NLK: variants seen among roughly 807,000 people sequenced by gnomAD.
NLK encodes serine/threonine-protein kinase NLK.
Under a neutral mutation model 59.0 loss-of-function variants are expected in NLK, and 11 were observed. The observed-to-expected ratio is 0.19, with a 90% CI of 0.12 to 0.31. The LOEUF (loss-of-function observed/expected upper bound fraction) is 0.31, where lower values mean the gene tolerates loss of function less well. NLK is among the 10% of genes least tolerant of loss of function. NLK has a pLI of 1.00. For missense variants in NLK, 410 were observed against 661.1 expected, an observed-to-expected ratio of 0.62 and a Z score of 4.16; for synonymous variants, 235 against 235.9, an observed-to-expected ratio of 1.00 and a Z score of 0.03.
chr17:28,093,085 AC>A (rs1266962436), intron 1 of NLK, among the ~76,000 whole-genome samples: 5 of 151,926 alleles, frequency 3.3e-5, no homozygotes, highest in Admixed American at 6.6e-5. Flanking sequence ...GAACCACCGC[AC>A]CCGGCCTAGT....
chr17:28,172,370 A>G (rs1160409888), intron 6 of NLK, 147 bp from the exon 7 acceptor site: 1 of 371,582 alleles, frequency 2.7e-6, no homozygotes, highest in Non-Finnish European at 4.8e-6. Context: ...CCAGAAAGTG[A>G]AAGTAGGGGC....
downstream of NLK, among the ~76,000 whole-genome samples, chr17:28,198,675 A>G (rs1909546186): frequency 6.6e-6 from 1 of 151,982 alleles, no homozygotes; most frequent in African/African-American, 2.4e-5. Context: ...TTATTTTCAC[A>G]TCCCTCTTCA....
intron 1 of NLK, among the ~76,000 whole-genome samples, chr17:28,110,106 A>G (rs934689812): frequency 6.6e-6 from 1 of 152,196 alleles, no homozygotes; most frequent in African/African-American, 2.4e-5. Flanking sequence ...TGTAGTTTGC[A>G]TTCTATGTGT....
chr17:28,093,480 A>C (rs1001875385), intron 1 of NLK, among the ~76,000 whole-genome samples: 6 of 152,192 alleles, frequency 3.9e-5, no homozygotes, highest in Non-Finnish European at 7.3e-5. Flanking sequence ...ATAATAAAAA[A>C]AATTCTGTGA....
At chr17:28,186,229 T>C (rs1909110955) in intron 8 of NLK, among the ~76,000 whole-genome samples, 1 of 152,330 alleles carries the variant, frequency 6.6e-6, no homozygotes, top group South Asian at 2.1e-4. Context: ...TGCAACTTTC[T>C]CAGAAGATAT....
intron 1 of NLK, among the ~76,000 whole-genome samples, chr17:28,060,524 C>T (rs114013429): frequency 0.01 from 1,584 of 152,150 alleles, 31 homozygotes; most frequent in African/African-American, 0.037. Flanking sequence ...CTCCTGCCTC[C>T]GTCTTCCAAA....
chr17:28,199,676 AAAAAAAAACAAAACAAAAC>A (rs1232683799), downstream of NLK, among the ~76,000 whole-genome samples: 25 of 46,198 alleles, frequency 5.4e-4, 1 homozygote, highest in African/African-American at 2.3e-3. Context: ...AAAAAAAAAA[AAAAAAAAACAAAACAAAAC>A]AAAAAAAAAA....
At chr17:28,060,825 G>A (rs887981534) in intron 1 of NLK, among the ~76,000 whole-genome samples, 3 of 152,318 alleles carry the variant, frequency 2.0e-5, no homozygotes, top group Admixed American at 6.5e-5. Flanking sequence ...GATGGATGGA[G>A]TCTTGATTGG....
chr17:28,158,743 C>G (rs1299517560), intron 3 of NLK, among the ~76,000 whole-genome samples: 1 of 152,158 alleles, frequency 6.6e-6, no homozygotes, highest in African/African-American at 2.4e-5. Context: ...AATCCTTCCA[C>G]CTCAGTGTCC....
intron 1 of NLK, among the ~76,000 whole-genome samples, chr17:28,079,653 C>T (rs1300813477): frequency 6.6e-6 from 1 of 152,108 alleles, no homozygotes; most frequent in African/African-American, 2.4e-5. Flanking sequence ...ATTTGTGTAT[C>T]TTCTCTTTTG....
chr17:28,139,308 T>C (rs530899111), intron 3 of NLK, among the ~76,000 whole-genome samples: 1 of 152,140 alleles, frequency 6.6e-6, no homozygotes, highest in Non-Finnish European at 1.5e-5. Flanking sequence ...TTCTGATTTT[T>C]ACTCTTTCCC....
chr17:28,115,498 C>T (rs892167745), intron 1 of NLK, among the ~76,000 whole-genome samples: 6 of 152,172 alleles, frequency 3.9e-5, no homozygotes, highest in African/African-American at 1.4e-4. Flanking sequence ...GATTATATTT[C>T]TGTTTCATCT....
intron 1 of NLK, among the ~76,000 whole-genome samples, chr17:28,046,318 G>A (rs544637786): frequency 3.3e-5 from 5 of 152,206 alleles, no homozygotes; most frequent in Non-Finnish European, 5.9e-5. Flanking sequence ...TGCTGGTAAG[G>A]ATGGTGCTGT....
intron 7 of NLK, among the ~76,000 whole-genome samples, 188 bp downstream of exon 7, chr17:28,172,806 C>T (rs572189961): frequency 1.1e-4 from 16 of 151,932 alleles, no homozygotes; most frequent in Admixed American, 2.6e-4. Flanking sequence ...TTCCTAATGC[C>T]GTAGGAGAAA....
intron 1 of NLK, among the ~76,000 whole-genome samples, chr17:28,060,088 C>A (rs1380290908): frequency 6.6e-6 from 1 of 152,106 alleles, no homozygotes; most frequent in Non-Finnish European, 1.5e-5. Flanking sequence ...GCAGCATGCA[C>A]CAGTCCCAGC....
intron 1 of NLK, among the ~76,000 whole-genome samples, chr17:28,068,441 CA>C (rs1238367840): frequency 6.6e-6 from 1 of 152,032 alleles, no homozygotes; most frequent in African/African-American, 2.4e-5. Flanking sequence ...TTTTAATTTT[CA>C]AAAATGATAT....
chr17:28,180,261 C>T (rs1227885469), intron 7 of NLK, among the ~76,000 whole-genome samples: 11 of 152,054 alleles, frequency 7.2e-5, no homozygotes. Context: ...TTCAGGTAGC[C>T]TTAACATCAC....
chr17:28,051,670 T>TA (rs1567699557), intron 1 of NLK, among the ~76,000 whole-genome samples: 1 of 151,430 alleles, frequency 6.6e-6, no homozygotes, highest in Non-Finnish European at 1.5e-5. Flanking sequence ...TTTTTTTTTT[T>TA]AAACAATGGG....
chr17:28,147,258 C>G (rs1008504621), intron 3 of NLK, among the ~76,000 whole-genome samples: 1 of 152,038 alleles, frequency 6.6e-6, no homozygotes, highest in African/African-American at 2.4e-5. Context: ...TCTGAGACTC[C>G]CTGAGTAATC....
Sources: gnomAD v4.1 joint callset for allele counts (sites outside exome capture counted in the v4.1 genomes callset) on GRCh38, gnomAD v4.1.1 for gene constraint, MANE v1.5 for transcripts, NCBI Gene and HGNC (gene_info 2026-07-23, HGNC 2026-07-21) for gene names.